Variants in ADHFE1 observed in about 807,000 individuals in gnomAD.
ADHFE1 encodes the protein hydroxyacid-oxoacid transhydrogenase, mitochondrial.
ADHFE1 carries 37 observed loss-of-function variants against 54.8 expected under a neutral mutation model. That is an observed-to-expected ratio of 0.68 (90% confidence interval 0.52 to 0.89). The LOEUF is 0.89. Among genes scored for constraint, ADHFE1 ranks in the 40% least tolerant of loss-of-function variants. The pLI is 0.00. For missense variants in ADHFE1, 601 were observed against 591.2 expected, an observed-to-expected ratio of 1.02 and a Z score of -0.17; for synonymous variants, 203 against 229.3, an observed-to-expected ratio of 0.89 and a Z score of 1.04.
At chr8:66,458,048 T>C (rs934930274) in intron 12 of ADHFE1, among the ~76,000 whole-genome samples, 2 of 152,168 alleles carry the variant, frequency 1.3e-5, no homozygotes, top group African/African-American at 4.8e-5. Flanking sequence ...TAATAAGATA[T>C]CCACAGTACC....
chr8:66,442,674 GA>G (rs1805820138), intron 2 of ADHFE1, 123 bp from the exon 3 acceptor site: 2 of 857,622 alleles, frequency 2.3e-6, no homozygotes, highest in Non-Finnish European at 1.8e-6. Context: ...GTGAAACCTG[GA>G]AAAAATATAT....
chr8:66,443,652 G>A (rs1327876087), intron 3 of ADHFE1, among the ~76,000 whole-genome samples: 1 of 147,120 alleles, frequency 6.8e-6, no homozygotes, highest in African/African-American at 2.5e-5. Context: ...GTGATGCCAT[G>A]GTGAGCTCAC....
intron 6 of ADHFE1, among the ~76,000 whole-genome samples, 161 bp from the exon 7 acceptor site, chr8:66,447,103 A>G (rs1806073699): frequency 1.3e-5 from 2 of 152,250 alleles, no homozygotes; most frequent in South Asian, 4.1e-4. Flanking sequence ...GACATCATAC[A>G]TGTTAGGTTT....
Position 66,432,512 on chromosome 8 carries a change from G to A in ADHFE1, c.-5G>A. 7.3e-7 allele frequency: 1 copy of A among 1,368,562 alleles called. No homozygotes were observed. Among genetic ancestry groups the A allele is most frequent in the Non-Finnish European group, 9.5e-7 (1 of 1,051,384 alleles). 84.8% of individuals were successfully genotyped at this position (1,368,562 alleles called of 1,614,324 possible). On this transcript the variant is annotated 5_prime_UTR_variant, in exon 1 of 14. Transcript: ENST00000396623. ...ACCCGAGGAGGGAAGAGGACTCCAA[G>A]CGCCATGGCCGCTGCCGCCCGAGCC...
At position 66,448,902 on chromosome 8, in the gene ADHFE1, G is replaced by A. The variant is rs1004191376; in HGVS notation, c.666G>A (p.Leu222=). ...TSRAIKPTLG[L]IDPLHTLHMP... is the part of the protein sequence containing the mutation. Reference sequence around the variant, plus strand: ...GAGCCATCAAACCCACACTGGGACTGATTGATCCTCTGCACACCCTCCACA... The same window carrying A: ...GAGCCATCAAACCCACACTGGGACTAATTGATCCTCTGCACACCCTCCACA... Residue 222 remains leucine, a synonymous_variant, in exon 8 of 14, where the codon CTG becomes CTA. Coordinates refer to ENST00000396623, the MANE Select transcript of ADHFE1 (RefSeq NM_144650.3). The A allele has an allele frequency of 1.9e-6, 3 of 1,614,062 alleles. No individual in the cohort carries two copies. The highest frequency in any genetic ancestry group is 2.7e-5 in the African/African-American group (2 of 74,936).
At chr8:66,466,803 T>A (rs79099541) in intron 13 of ADHFE1, among the ~76,000 whole-genome samples, 1 of 152,182 alleles carries the variant, frequency 6.6e-6, no homozygotes, top group Admixed American at 6.5e-5. Context: ...TGCATGATGA[T>A]AGGCCAATGC....
chr8:66,452,534 A>C (rs1347978600), intron 9 of ADHFE1, among the ~76,000 whole-genome samples: 1 of 152,204 alleles, frequency 6.6e-6, no homozygotes, highest in Non-Finnish European at 1.5e-5. Context: ...CACACCAGTA[A>C]TCCCAGCACT....
intron 1 of ADHFE1, among the ~76,000 whole-genome samples, chr8:66,434,990 A>AG (rs1388839240): frequency 6.6e-6 from 1 of 151,860 alleles, no homozygotes; most frequent in East Asian, 1.9e-4. Context: ...AAAAAAAAAA[A>AG]AAGATGTGCA....
chr8:66,438,340 G>A (rs576702189), intron 1 of ADHFE1, among the ~76,000 whole-genome samples: 42 of 152,254 alleles, frequency 2.8e-4, no homozygotes, highest in African/African-American at 9.4e-4. Context: ...GGGTGAGGGA[G>A]GAGGAAGGGT....
intron 13 of ADHFE1, among the ~76,000 whole-genome samples, chr8:66,465,941 A>G (rs933026986): frequency 6.6e-5 from 10 of 152,038 alleles, no homozygotes; most frequent in African/African-American, 2.4e-4. Flanking sequence ...TATCAGATAT[A>G]TGATTTGCAA....
chr8:66,446,132 G>C (rs1257206555), intron 6 of ADHFE1, among the ~76,000 whole-genome samples: 1 of 152,156 alleles, frequency 6.6e-6, no homozygotes, highest in African/African-American at 2.4e-5. Context: ...ATTGTGAAGA[G>C]GCCTTGTGAT....
intron 1 of ADHFE1, among the ~76,000 whole-genome samples, chr8:66,434,815 C>T (rs74856541): frequency 0.082 from 12,519 of 152,262 alleles, 815 homozygotes; most frequent in Admixed American, 0.17. Flanking sequence ...AGTCACATTC[C>T]GTCTCCAGAT....
intron 6 of ADHFE1, among the ~76,000 whole-genome samples, chr8:66,445,673 G>A (rs950965625): frequency 1.3e-5 from 2 of 152,210 alleles, no homozygotes; most frequent in African/African-American, 4.8e-5. Flanking sequence ...AAGGGGGAAG[G>A]TCATCACTGA....
intron 13 of ADHFE1, among the ~76,000 whole-genome samples, chr8:66,462,743 T>C (rs901317453): frequency 6.6e-6 from 1 of 152,248 alleles, no homozygotes; most frequent in African/African-American, 2.4e-5. Context: ...GGCGATTTGA[T>C]TGCTGACCAT....
chr8:66,463,959 T>C (rs183908837), intron 13 of ADHFE1, among the ~76,000 whole-genome samples: 2 of 152,306 alleles, frequency 1.3e-5, no homozygotes, highest in East Asian at 3.9e-4. Flanking sequence ...GGCAAGAATA[T>C]ATTAATCTTC....
chr8:66,448,757 C>A, intron 7 of ADHFE1, 108 bp from the exon 8 acceptor site: 1 of 1,028,646 alleles, frequency 9.7e-7, no homozygotes, highest in South Asian at 1.5e-5. Flanking sequence ...TGAAAATGAA[C>A]CTTTTCTCAT....
At chr8:66,453,956 G>A (rs1003823523) in intron 9 of ADHFE1, 103 bp from the exon 10 acceptor site, 6 of 1,543,070 alleles carry the variant, frequency 3.9e-6, no homozygotes, top group South Asian at 1.2e-5. Flanking sequence ...CTACCGAGTA[G>A]CATTTCTTTT....
intron 10 of ADHFE1, among the ~76,000 whole-genome samples, chr8:66,454,673 C>G (rs1489982278): frequency 6.6e-6 from 1 of 152,046 alleles, no homozygotes; most frequent in East Asian, 1.9e-4. Flanking sequence ...CCCCACCTTC[C>G]CTAATACTTA....
rs564130604 is a variant in ADHFE1, at chr8:66,456,720, A to G, written c.987-97A>G. The G allele has an allele frequency of 1.5e-5, 13 of 864,496 alleles. No individual in the cohort carries two copies. In the East Asian group the frequency reaches 3.3e-4, roughly 22 times the overall value. The allele number at this position is 864,496 out of a possible 1,614,324, so 53.6% of individuals were successfully genotyped here. On this transcript the variant is annotated intron_variant, in intron 10 of 13. Transcript: ENST00000396623. ...ACTTTTTCAGGTAATGATACTGTCT[A>G]GAGGCCGTGACAGGCATCCCCATAA... is the stretch of plus-strand genomic sequence containing the variant.
Sources: gnomAD v4.1 joint callset for allele counts (sites outside exome capture counted in the v4.1 genomes callset) on GRCh38, gnomAD v4.1.1 for gene constraint, MANE v1.5 for transcripts, NCBI Gene and HGNC (gene_info 2026-07-23, HGNC 2026-07-21) for gene names.